The following HIVEP1 variants were observed in gnomAD, a reference collection of about 807,000 sequenced individuals.
HIVEP1 encodes HIVEP zinc finger 1, also known as zinc finger protein 40.
A neutral mutation model predicts 180.0 loss-of-function variants in HIVEP1; 36 were observed. The ratio of observed to expected loss-of-function variants is 0.20; its 90% CI spans 0.15 to 0.26. The LOEUF is 0.26. HIVEP1 is among the 10% of genes least tolerant of loss of function. The pLI, the probability that HIVEP1 is intolerant of heterozygous loss-of-function variation, is 1.00. For missense variants in HIVEP1, 3,143 were observed against 3,268.7 expected, an observed-to-expected ratio of 0.96 and a Z score of 0.94; for synonymous variants, 1,239 against 1,239.0, an observed-to-expected ratio of 1.00 and a Z score of 0.00.
the HIVEP1 span, among the ~76,000 whole-genome samples, chr6:12,202,615 T>C: frequency 6.6e-6 from 1 of 152,244 alleles, no homozygotes; most frequent in African/African-American, 2.4e-5. Flanking sequence ...TTTCTCTTTT[T>C]TTCCAGTCCT....
At chr6:12,009,120 T>TGGCGGCGGCGGC (rs950139776), upstream of HIVEP1, among the ~76,000 whole-genome samples, 16 of 146,058 alleles carry the variant, frequency 1.1e-4, no homozygotes, top group East Asian at 1.8e-3. Context: ...CGCGTGGCGG[T>TGGCGGCGGCGGC]GGCGGCGGCG....
At chr6:12,100,700 T>TGA (rs1424374008) in intron 3 of HIVEP1, among the ~76,000 whole-genome samples, 1 of 152,194 alleles carries the variant, frequency 6.6e-6, no homozygotes, top group African/African-American at 2.4e-5. Context: ...TTCTGCTAAG[T>TGA]GATTTTCTTA....
intron 3 of HIVEP1, among the ~76,000 whole-genome samples, chr6:12,113,228 G>C (rs935532391): frequency 6.6e-6 from 1 of 150,714 alleles, no homozygotes; most frequent in African/African-American, 2.4e-5. Flanking sequence ...TGTAAAGAAG[G>C]GTGGGGTGGG....
chr6:12,022,749 A>AT (rs1768323742), intron 2 of HIVEP1, among the ~76,000 whole-genome samples: 2 of 152,258 alleles, frequency 1.3e-5, no homozygotes, highest in South Asian at 4.1e-4. Flanking sequence ...GGAAACAGGA[A>AT]TATCTACATA....
At chr6:12,169,781 AGTCT>A (rs1294928088), downstream of HIVEP1, among the ~76,000 whole-genome samples, 8 of 152,328 alleles carry the variant, frequency 5.3e-5, no homozygotes, top group East Asian at 1.5e-3. Flanking sequence ...GCCAGGGACC[AGTCT>A]AAGTGGAAGA....
At chr6:12,208,878 T>C in the HIVEP1 span, among the ~76,000 whole-genome samples, 200 of 143,896 alleles carry the variant, frequency 1.4e-3, no homozygotes, top group Non-Finnish European at 2.4e-3. Flanking sequence ...TGTTTGTTAC[T>C]GAAGCCCTAT....
At chr6:12,046,348 T>C (rs537059564) in intron 2 of HIVEP1, among the ~76,000 whole-genome samples, 4 of 152,334 alleles carry the variant, frequency 2.6e-5, no homozygotes, top group East Asian at 3.9e-4. Context: ...TTACCACATT[T>C]AACCCTGCAA....
the HIVEP1 span, among the ~76,000 whole-genome samples, chr6:12,193,812 G>A: frequency 6.6e-6 from 1 of 152,204 alleles, no homozygotes; most frequent in African/African-American, 2.4e-5. Flanking sequence ...CGAAGCAAAA[G>A]TCACAGACTT....
chr6:12,043,801 C>T (rs752388468), intron 2 of HIVEP1, among the ~76,000 whole-genome samples: 5 of 152,150 alleles, frequency 3.3e-5, no homozygotes, highest in Admixed American at 2.0e-4. Flanking sequence ...CTGTGTTGTT[C>T]GTGGCACTTC....
intron 3 of HIVEP1, among the ~76,000 whole-genome samples, chr6:12,090,339 C>T (rs1034955460): frequency 2.0e-5 from 3 of 152,008 alleles, no homozygotes; most frequent in South Asian, 2.1e-4. Flanking sequence ...AGTTGAAAGC[C>T]GTTTTACAAA....
chr6:12,147,146 G>A (rs1759424211), intron 7 of HIVEP1, among the ~76,000 whole-genome samples: 1 of 152,174 alleles, frequency 6.6e-6, no homozygotes, highest in African/African-American at 2.4e-5. Context: ...GAAGCAGGCT[G>A]GGGGACAGGT....
chr6:12,112,299 T>C (rs1774947344), intron 3 of HIVEP1, among the ~76,000 whole-genome samples: 1 of 152,168 alleles, frequency 6.6e-6, no homozygotes, highest in African/African-American at 2.4e-5. Flanking sequence ...TTTTCTACCC[T>C]CTGGCTGCTT....
chr6:12,106,667 T>A (rs990037465), intron 3 of HIVEP1, among the ~76,000 whole-genome samples: 1 of 152,200 alleles, frequency 6.6e-6, no homozygotes, highest in African/African-American at 2.4e-5. Context: ...GAAATAATGC[T>A]ATTTTCCTTC....
At chr6:12,140,260 A>G (rs1222080950) in intron 7 of HIVEP1, among the ~76,000 whole-genome samples, 1 of 152,246 alleles carries the variant, frequency 6.6e-6, no homozygotes, top group East Asian at 1.9e-4. Flanking sequence ...ACAGATGTGC[A>G]GCTGAGGGAC....
intron 3 of HIVEP1, among the ~76,000 whole-genome samples, chr6:12,100,490 C>T (rs528174309): frequency 6.6e-6 from 1 of 152,256 alleles, no homozygotes; most frequent in East Asian, 1.9e-4. Flanking sequence ...CTACTGTATA[C>T]AGTAAGAGAC....
intron 2 of HIVEP1, among the ~76,000 whole-genome samples, chr6:12,039,429 A>G (rs940586755): frequency 2.0e-5 from 3 of 152,216 alleles, no homozygotes; most frequent in African/African-American, 7.2e-5. Context: ...ATGCAGGTAA[A>G]CAAGCCTCTT....
chr6:12,209,447 T>C, the HIVEP1 span, among the ~76,000 whole-genome samples: 3 of 152,146 alleles, frequency 2.0e-5, no homozygotes, highest in East Asian at 5.8e-4. Flanking sequence ...AAACAAAAAA[T>C]TTTTTTCTCT....
intron 2 of HIVEP1, among the ~76,000 whole-genome samples, chr6:12,086,498 T>A (rs768159033): frequency 3.9e-5 from 6 of 152,100 alleles, no homozygotes; most frequent in Non-Finnish European, 8.8e-5. Flanking sequence ...TGGGAGGGCA[T>A]GATGGGGGAT....
intron 7 of HIVEP1, among the ~76,000 whole-genome samples, chr6:12,145,166 T>C (rs964674464): frequency 1.3e-5 from 2 of 152,180 alleles, no homozygotes; most frequent in Admixed American, 6.5e-5. Flanking sequence ...GTGGCACATA[T>C]TTACCATGGA....
Sources: allele counts gnomAD v4.1 joint callset (sites outside exome capture counted in the v4.1 genomes callset), GRCh38; gene constraint gnomAD v4.1.1; transcripts MANE v1.5; gene names NCBI Gene and HGNC (gene_info 2026-07-23, HGNC 2026-07-21).